Variants in ADGRL3 observed in about 807,000 individuals in gnomAD.
The protein encoded by ADGRL3 is calcium-independent alpha-latrotoxin receptor 3.
Under a neutral mutation model 153.5 loss-of-function variants are expected in ADGRL3, and 62 were observed. The observed-to-expected ratio is 0.40, with a 90% CI of 0.33 to 0.50. The LOEUF is 0.50. Ranked by LOEUF, ADGRL3 falls within the 20% of genes least tolerant of loss-of-function variation. ADGRL3 has a pLI of 0.47. For missense variants in ADGRL3, 1,641 were observed against 1,859.4 expected (o/e 0.88, Z 2.16); for synonymous variants, 710 against 672.5 (o/e 1.06, Z -0.86).
At chr4:61,419,833 C>T (rs1369063977) in intron 2 of ADGRL3, among the ~76,000 whole-genome samples, 2 of 148,642 alleles carry the variant, frequency 1.3e-5, no homozygotes, top group South Asian at 2.1e-4. Context: ...TTGCTCTCGT[C>T]ACCTAGGCTG....
intron 8 of ADGRL3, among the ~76,000 whole-genome samples, chr4:61,777,071 C>T (rs188251087): frequency 6.6e-6 from 1 of 152,170 alleles, no homozygotes; most frequent in Non-Finnish European, 1.5e-5. Flanking sequence ...TGTGCTGGCT[C>T]ACGCCTGTAA....
intron 19 of ADGRL3, among the ~76,000 whole-genome samples, chr4:61,992,638 C>T (rs1351389255): frequency 1.3e-5 from 2 of 152,146 alleles, no homozygotes; most frequent in Non-Finnish European, 2.9e-5. Context: ...TTACTAAGTA[C>T]ATTTTACGTA....
chr4:61,606,620 T>C (rs1017980742), intron 5 of ADGRL3, among the ~76,000 whole-genome samples: 2 of 152,186 alleles, frequency 1.3e-5, no homozygotes, highest in African/African-American at 4.8e-5. Context: ...GTTTAGTCTT[T>C]TTAAAGGCCC....
At chr4:62,069,834 A>G (rs1409025187) in intron 26 of ADGRL3, among the ~76,000 whole-genome samples, 2 of 152,138 alleles carry the variant, frequency 1.3e-5, no homozygotes, top group Non-Finnish European at 2.9e-5. Context: ...TTGTGTGGCA[A>G]TTGCAAATTG....
chr4:61,565,838 G>A (rs897169617), intron 4 of ADGRL3, among the ~76,000 whole-genome samples: 11 of 151,888 alleles, frequency 7.2e-5, no homozygotes, highest in Admixed American at 1.3e-4. Context: ...ACACCCAGTC[G>A]GATTTAGGCA....
At chr4:61,690,709 TC>T (rs1328433151) in intron 6 of ADGRL3, among the ~76,000 whole-genome samples, 1 of 152,038 alleles carries the variant, frequency 6.6e-6, no homozygotes, top group Non-Finnish European at 1.5e-5. Flanking sequence ...CTTTTTTTTT[TC>T]CTCTTGGATT....
rs2096677866 is a variant in ADGRL3, at chr4:61,747,277, G to C, written c.1399+13723G>C. Among the ~76,000 whole-genome samples the C allele has an allele frequency of 2.0e-5, 3 of 149,988 alleles. 1 individual carries two copies. The highest frequency in any genetic ancestry group is 4.4e-5 in the Non-Finnish European group (3 of 67,756). ...GATTCACAGCTGAATTCTACCAGAG[G>C]TACAAGGAGGAACTGGTACCATTCC... On this transcript the variant is annotated intron_variant, in intron 8 of 26. Transcript: ENST00000683033.
chr4:61,589,442 T>C (rs1017812547), intron 5 of ADGRL3, among the ~76,000 whole-genome samples: 2 of 152,114 alleles, frequency 1.3e-5, no homozygotes, highest in Admixed American at 6.6e-5. Flanking sequence ...CCACAGCATG[T>C]TAAATAATGC....
intron 3 of ADGRL3, among the ~76,000 whole-genome samples, chr4:61,501,025 C>A (rs2098381479): frequency 6.6e-6 from 1 of 152,138 alleles, no homozygotes. Context: ...GCAGGTGAGG[C>A]AGAAACATTG....
chr4:61,839,169 T>C (rs984668493), intron 9 of ADGRL3, among the ~76,000 whole-genome samples: 1 of 152,010 alleles, frequency 6.6e-6, no homozygotes, highest in African/African-American at 2.4e-5. Flanking sequence ...CTGTGAAGTT[T>C]GTAGTTAGAT....
chr4:61,830,733 A>G (rs2148858269), intron 9 of ADGRL3, among the ~76,000 whole-genome samples: 1 of 152,346 alleles, frequency 6.6e-6, no homozygotes, highest in African/African-American at 2.4e-5. Context: ...AACTGTTAAT[A>G]GAGAAGGATG....
chr4:61,910,944 T>C (rs1034411855), intron 12 of ADGRL3, among the ~76,000 whole-genome samples: 40 of 151,672 alleles, frequency 2.6e-4, no homozygotes, highest in African/African-American at 9.4e-4. Context: ...AAAGTTTTAT[T>C]ATTAGATATA....
chr4:61,610,138 G>GAT (rs34171023), intron 5 of ADGRL3, among the ~76,000 whole-genome samples: 3,317 of 146,686 alleles, frequency 0.023, 77 homozygotes, highest in African/African-American at 0.06. Context: ...AGGGAAGTGA[G>GAT]ATATATATAT....
rs939964108 is a variant in ADGRL3, at chr4:61,936,813, C to CACACACACACACAG, written c.2419+769_2419+770insCACACACACACAGA. 1.1e-4 allele frequency among the ~76,000 whole-genome samples: 17 copies of CACACACACACACAG among 150,852 alleles called. No homozygotes were observed. In the East Asian group the frequency reaches 1.2e-3, roughly 10 times the overall value. Reference sequence around the variant, plus strand: ...ACACACACACACACACACACACACACAGAGATATATTTCTCTTTTGCCAAG... The same window carrying CACACACACACACAG: ...ACACACACACACACACACACACACACACACACACACACAGAGAGATATATTTCTCTTTTGCCAAG... On this transcript the variant is annotated intron_variant, in intron 15 of 26. Transcript: ENST00000683033.
At chr4:61,252,515 G>A (rs1381576058) in intron 1 of ADGRL3, among the ~76,000 whole-genome samples, 2 of 152,012 alleles carry the variant, frequency 1.3e-5, no homozygotes, top group African/African-American at 4.8e-5. Flanking sequence ...TTTGTTCTAG[G>A]GGCTGTAGTT....
At chr4:61,658,891 C>T (rs1199553469) in intron 5 of ADGRL3, among the ~76,000 whole-genome samples, 1 of 152,126 alleles carries the variant, frequency 6.6e-6, no homozygotes, top group Non-Finnish European at 1.5e-5. Flanking sequence ...GCTGTTGTAA[C>T]AAAGTACCAC....
At chr4:61,926,746 C>G (rs1377306630) in intron 13 of ADGRL3, among the ~76,000 whole-genome samples, 3 of 152,168 alleles carry the variant, frequency 2.0e-5, no homozygotes, top group African/African-American at 7.2e-5. Context: ...TGCTCTATTA[C>G]CTTACATGTT....
At chr4:61,577,745 C>T (rs906850965) in intron 4 of ADGRL3, among the ~76,000 whole-genome samples, 4 of 150,506 alleles carry the variant, frequency 2.7e-5, no homozygotes, top group African/African-American at 9.8e-5. Flanking sequence ...ACCAGGAGTT[C>T]GAGGTTGTAG....
intron 4 of ADGRL3, among the ~76,000 whole-genome samples, chr4:61,545,804 C>T (rs1033510974): frequency 3.3e-5 from 5 of 152,120 alleles, no homozygotes; most frequent in Non-Finnish European, 5.9e-5. Flanking sequence ...CGTAAGCTAC[C>T]GCGCGGGGCC....
Sources: gnomAD v4.1 joint callset for allele counts (sites outside exome capture counted in the v4.1 genomes callset) on GRCh38, gnomAD v4.1.1 for gene constraint, MANE v1.5 for transcripts, NCBI Gene and HGNC (gene_info 2026-07-23, HGNC 2026-07-21) for gene names.